Variants in TRAPPC9 observed in about 807,000 individuals in gnomAD.
TRAPPC9 encodes the protein trafficking protein particle complex subunit 9, also known as IKK2 binding protein.
TRAPPC9 carries 83 observed loss-of-function variants against 124.0 expected under a neutral mutation model. The observed-to-expected ratio is 0.67, with a 90% confidence interval of 0.56 to 0.80. The LOEUF (loss-of-function observed/expected upper bound fraction) is 0.80. Ranked by LOEUF, TRAPPC9 falls within the 30% of genes least tolerant of loss-of-function variation. TRAPPC9 has a pLI of 0.00. For synonymous variants in TRAPPC9, 638 were observed against 617.5 expected (o/e 1.03, Z -0.49); for missense variants, 1,302 against 1,508.3 (o/e 0.86, Z 2.27).
In TRAPPC9 at chr8:139,782,414, T is replaced by C. The variant is rs6982638; in HGVS notation, c.3056-50212A>G. Among the ~76,000 whole-genome samples, 11 of 152,304 alleles carry C rather than the reference T, an allele frequency of 7.2e-5. No homozygotes were observed. The East Asian group carries it at 2.1e-3, about 29-fold the overall frequency. On this transcript the variant is annotated intron_variant, in intron 21 of 22. Coordinates refer to ENST00000438773, the MANE Select transcript of TRAPPC9 (RefSeq NM_001160372.4). Reference sequence around the variant, plus strand: ...AAAAGGTATATCATGTTAATACAAATGTAAAGAAGGTTATATTGGCTATAT... The same window carrying C: ...AAAAGGTATATCATGTTAATACAAACGTAAAGAAGGTTATATTGGCTATAT...
At chr8:140,328,285 TAAC>T (rs1026040535) in intron 9 of TRAPPC9, among the ~76,000 whole-genome samples, 6 of 151,986 alleles carry the variant, frequency 3.9e-5, no homozygotes, top group Middle Eastern at 3.2e-3. Context: ...AATTAATTAA[TAAC>T]AATAATTTAA....
intron 18 of TRAPPC9, among the ~76,000 whole-genome samples, chr8:140,012,649 T>G (rs1278656000): frequency 2.6e-5 from 4 of 152,194 alleles, no homozygotes; most frequent in African/African-American, 9.6e-5. Flanking sequence ...ATCCTGCTGG[T>G]CAGGCCGAGG....
chr8:140,129,274 GC>G lies in TRAPPC9; in HGVS notation c.2556+92184del, dbSNP rs769178953. 1.4e-4 allele frequency among the ~76,000 whole-genome samples: 22 copies of G among 152,164 alleles called. 1 individual carries two copies. In the East Asian group the frequency reaches 2.7e-3, roughly 19 times the overall value. On this transcript the variant is annotated intron_variant, in intron 17 of 22. Coordinates refer to ENST00000438773, the MANE Select transcript of TRAPPC9 (RefSeq NM_001160372.4). ...GGGGAGGCTGGCTCGGGTGTGTCTG[GC>G]CCCTTGCAAGGTGAGGCGGCACCGA...
At chr8:140,234,706 G>A (rs554999606) in intron 16 of TRAPPC9, among the ~76,000 whole-genome samples, 19 of 152,274 alleles carry the variant, frequency 1.2e-4, no homozygotes, top group Non-Finnish European at 1.8e-4. Flanking sequence ...ATTTAAGACC[G>A]TATGACATAA....
At chr8:139,846,206 A>C (rs1213546187) in intron 21 of TRAPPC9, among the ~76,000 whole-genome samples, 1 of 152,246 alleles carries the variant, frequency 6.6e-6, no homozygotes, top group Non-Finnish European at 1.5e-5. Context: ...GAACAGTCCC[A>C]GCAAGAACAG....
intron 21 of TRAPPC9, among the ~76,000 whole-genome samples, chr8:139,804,560 GCAC>G (rs1474670108): frequency 3.2e-5 from 2 of 62,148 alleles, no homozygotes; most frequent in African/African-American, 6.6e-5. Context: ...CCGCCACCAA[GCAC>G]CACCGCCACC....
At chr8:140,144,241 C>T (rs1031496077) in intron 17 of TRAPPC9, among the ~76,000 whole-genome samples, 1 of 152,098 alleles carries the variant, frequency 6.6e-6, no homozygotes, top group East Asian at 1.9e-4. Context: ...GGAATTTTGC[C>T]AGGAGTTATG....
chr8:140,399,005 G>C (rs910308536), intron 6 of TRAPPC9, among the ~76,000 whole-genome samples: 4 of 152,270 alleles, frequency 2.6e-5, no homozygotes, highest in Non-Finnish European at 1.5e-5. Context: ...AAGGCTGAAA[G>C]GAGCCAACAT....
chr8:140,397,041 T>C (rs1181706830), intron 7 of TRAPPC9, among the ~76,000 whole-genome samples: 1 of 152,218 alleles, frequency 6.6e-6, no homozygotes, highest in East Asian at 1.9e-4. Flanking sequence ...ATTGTTTAAC[T>C]TGGTCTCAGT....
intron 7 of TRAPPC9, among the ~76,000 whole-genome samples, chr8:140,376,588 T>C (rs1429596672): frequency 3.5e-5 from 5 of 141,170 alleles, no homozygotes; most frequent in Admixed American, 1.4e-4. Flanking sequence ...AGAATCACAG[T>C]GTTGAGGCCA....
chr8:140,056,821 C>A (rs897127811), intron 17 of TRAPPC9, among the ~76,000 whole-genome samples: 2 of 152,020 alleles, frequency 1.3e-5, no homozygotes, highest in South Asian at 4.1e-4. Context: ...ATGAACTATA[C>A]CAAACTAAAA....
At position 139,776,336 on chromosome 8, in the gene TRAPPC9, G is replaced by A. The variant is rs561971160; in HGVS notation, c.3056-44134C>T. Among the ~76,000 whole-genome samples the A allele has an allele frequency of 4.6e-5, 7 of 152,326 alleles. No individual in the cohort carries two copies. Among genetic ancestry groups the A allele is most frequent in the East Asian group, 1.9e-4 (1 of 5,180 alleles). On this transcript the variant is annotated intron_variant, in intron 21 of 22. Coordinates refer to ENST00000438773, the MANE Select transcript of TRAPPC9 (RefSeq NM_001160372.4). The surrounding 1 kb of genome is among the most constrained non-coding windows in gnomAD (Gnocchi z 4.1). ...CAGGGGACGTCAGCTGCTATGTGAC[G>A]TCATCTCACTCGTCACAACATAGTA...
chr8:140,180,692 T>G (rs1414526195), intron 17 of TRAPPC9, among the ~76,000 whole-genome samples: 12 of 151,946 alleles, frequency 7.9e-5, no homozygotes, highest in Non-Finnish European at 1.8e-4. Flanking sequence ...TTTTTTTTTT[T>G]TTTTTACCAA....
chr8:140,402,576 G>A (rs2069316579), intron 6 of TRAPPC9, among the ~76,000 whole-genome samples: 1 of 151,826 alleles, frequency 6.6e-6, no homozygotes, highest in Non-Finnish European at 1.5e-5. Flanking sequence ...CACACCTGTA[G>A]TCCCAGCACA....
In TRAPPC9 at chr8:140,327,179, G is replaced by C. The variant is rs571551111; in HGVS notation, c.1496-15805C>G. On this transcript the variant is annotated intron_variant, in intron 9 of 22. Transcript: ENST00000438773. ...GAGACAGGAGAATTGCTTGAACCTG[G>C]GAGGCGGAGGTTGCAGTGAGCTGAG... is the stretch of plus-strand genomic sequence containing the variant. Among the ~76,000 whole-genome samples, 3 of 152,192 alleles carry C rather than the reference G, an allele frequency of 2.0e-5. No homozygotes were observed. The South Asian group carries it at 6.2e-4, about 32-fold the overall frequency.
At chr8:140,068,487 A>G (rs1842984219) in intron 17 of TRAPPC9, among the ~76,000 whole-genome samples, 1 of 152,162 alleles carries the variant, frequency 6.6e-6, no homozygotes, top group African/African-American at 2.4e-5. Flanking sequence ...GGGGACCTTC[A>G]CTCAGGAATT....
chr8:139,775,104 G>C (rs1032381964), intron 21 of TRAPPC9, among the ~76,000 whole-genome samples: 1 of 152,186 alleles, frequency 6.6e-6, no homozygotes, highest in Non-Finnish European at 1.5e-5. Flanking sequence ...GTCCGGGTCT[G>C]TGGGGCACCT....
intron 17 of TRAPPC9, among the ~76,000 whole-genome samples, chr8:140,121,776 C>T (rs1587749742): frequency 6.6e-6 from 1 of 152,174 alleles, no homozygotes; most frequent in Non-Finnish European, 1.5e-5. Context: ...TGTGCTCCTT[C>T]CAGTAGGGGT....
In TRAPPC9 at chr8:139,728,915, TAC is replaced by T. The variant is rs1817677088; in HGVS notation, c.*2144_*2145del. On this transcript the variant is annotated 3_prime_UTR_variant, in exon 23 of 23. Coordinates refer to ENST00000438773, the MANE Select transcript of TRAPPC9 (RefSeq NM_001160372.4). ...AATATAGAAAACTGCAAGAAATAAT[TAC>T]AGTCACCAATATGCTTGCCACTCAG... 6.6e-6 allele frequency among the ~76,000 whole-genome samples: 1 copy of T among 152,250 alleles called. No homozygotes were observed. Among genetic ancestry groups the T allele is most frequent in the African/African-American group, 2.4e-5 (1 of 41,464 alleles).
Sources: gnomAD v4.1 joint callset for allele counts (sites outside exome capture counted in the v4.1 genomes callset) on GRCh38, gnomAD v4.1.1 for gene constraint, Gnocchi (gnomAD v3.1) non-coding constraint, MANE v1.5 for transcripts, NCBI Gene and HGNC (gene_info 2026-07-23, HGNC 2026-07-21) for gene names.